Variants in AVEN observed in about 807,000 individuals in gnomAD.
The protein encoded by AVEN is cell death regulator Aven.
A neutral mutation model predicts 38.1 loss-of-function variants in AVEN; 41 were observed. The observed-to-expected ratio is 1.08, with a 90% confidence interval of 0.84 to 1.40. AVEN has a LOEUF of 1.40. Among genes scored for constraint, AVEN ranks in the 40% most tolerant of loss-of-function variants. AVEN has a pLI of 0.00. For synonymous variants in AVEN, 206 were observed against 171.8 expected (o/e 1.20, Z -1.56); for missense variants, 605 against 438.8 (o/e 1.38, Z -3.38).
chr15:33,860,397 T>C (rs1218309237), intron 11 of AVEN, among the ~76,000 whole-genome samples: 1 of 152,108 alleles, frequency 6.6e-6, no homozygotes, highest in Non-Finnish European at 1.5e-5. Flanking sequence ...CTGCATGGTG[T>C]AGAAAGGTAG....
intron 2 of AVEN, among the ~76,000 whole-genome samples, chr15:33,978,400 A>T (rs140131531): frequency 0.011 from 1,606 of 152,308 alleles, 32 homozygotes; most frequent in African/African-American, 0.037. Context: ...ACGATGGCTC[A>T]CGCCTGTAAT....
chr15:34,031,548 G>C, intron 1 of AVEN, among the ~76,000 whole-genome samples: 1 of 152,184 alleles, frequency 6.6e-6, no homozygotes, highest in Non-Finnish European at 1.5e-5. Flanking sequence ...ATATGGATCA[G>C]ACAGATTCGT....
chr15:34,040,244 T>G (rs1475618879), upstream of AVEN, among the ~76,000 whole-genome samples: 1 of 152,074 alleles, frequency 6.6e-6, no homozygotes, highest in Non-Finnish European at 1.5e-5. Context: ...TGTGAATAGA[T>G]GATTACAGTA....
intron 1 of AVEN, among the ~76,000 whole-genome samples, chr15:34,031,713 G>C (rs1175369995): frequency 6.6e-6 from 1 of 152,158 alleles, no homozygotes; most frequent in Non-Finnish European, 1.5e-5. Flanking sequence ...ATCCTTGGCA[G>C]TGTTGTTCTT....
At chr15:34,018,663 T>C (rs1048201785) in intron 1 of AVEN, among the ~76,000 whole-genome samples, 1 of 152,164 alleles carries the variant, frequency 6.6e-6, no homozygotes, top group Non-Finnish European at 1.5e-5. Context: ...TTCCACAGAA[T>C]GGAAAGGGAC....
chr15:34,006,785 GAAGT>G (rs1597341120), intron 1 of AVEN, among the ~76,000 whole-genome samples: 1 of 152,124 alleles, frequency 6.6e-6, no homozygotes. Context: ...AGAGTAGTAA[GAAGT>G]AATATAATAA....
intron 4 of AVEN, among the ~76,000 whole-genome samples, chr15:33,869,619 T>C (rs1013883152): frequency 3.9e-5 from 6 of 152,174 alleles, no homozygotes; most frequent in Non-Finnish European, 5.9e-5. Flanking sequence ...TAATTCTTTC[T>C]AGTTCTCTAC....
intron 2 of AVEN, among the ~76,000 whole-genome samples, chr15:33,955,761 G>A (rs1347499800): frequency 4.6e-5 from 7 of 152,132 alleles, no homozygotes; most frequent in Non-Finnish European, 1.5e-5. Flanking sequence ...AGTTACTTAT[G>A]CTACCTTTGC....
At position 33,871,751 on chromosome 15, in the gene AVEN, G is replaced by A. The variant is rs115716598; in HGVS notation, c.517-721C>T. ...AGAAGGGACTGACAGGTGTTGCGAA[G>A]GTTTCAAACGAGCTAGTCTCCTCAA... is the stretch of plus-strand genomic sequence containing the variant. On this transcript the variant is annotated intron_variant, in intron 3 of 5. Coordinates refer to ENST00000306730, the MANE Select transcript of AVEN (RefSeq NM_020371.3). Among the ~76,000 whole-genome samples, 1,419 of 144,412 alleles carry A rather than the reference G, an allele frequency of 9.8e-3. 29 individuals are homozygous for A. Among genetic ancestry groups the A allele is most frequent in the African/African-American group, 0.033 (1,304 of 38,976 alleles). 94.7% of individuals were successfully genotyped at this position (144,412 alleles called of 152,430 possible). A position where few individuals can be genotyped will look rare whatever the true frequency, so the allele number is the denominator to read the frequency against.
intron 2 of AVEN, among the ~76,000 whole-genome samples, chr15:33,891,215 T>A (rs1270814530): frequency 6.6e-6 from 1 of 152,146 alleles, no homozygotes; most frequent in African/African-American, 2.4e-5. Flanking sequence ...TGTTTTATAT[T>A]GTATTAACTA....
intron 5 of AVEN, among the ~76,000 whole-genome samples, chr15:34,045,914 T>C (rs570659269): frequency 3.0e-4 from 46 of 152,200 alleles, no homozygotes; most frequent in Non-Finnish European, 4.7e-4. Flanking sequence ...CTTTTATTAC[T>C]GTGGGAGTCT....
chr15:33,884,009 TTTG>T (rs1462914965), intron 2 of AVEN, among the ~76,000 whole-genome samples: 1 of 152,106 alleles, frequency 6.6e-6, no homozygotes, highest in Non-Finnish European at 1.5e-5. Context: ...GCTCACAGCA[TTTG>T]TTATTTTATT....
At chr15:33,952,032 T>C (rs1159281080) in intron 2 of AVEN, among the ~76,000 whole-genome samples, 1 of 152,178 alleles carries the variant, frequency 6.6e-6, no homozygotes, top group African/African-American at 2.4e-5. Context: ...AAAATCCATT[T>C]GATTTCAATA....
At chr15:33,983,160 A>ATATGTG (rs1555512751) in intron 2 of AVEN, among the ~76,000 whole-genome samples, 4 of 64,592 alleles carry the variant, frequency 6.2e-5, no homozygotes, top group South Asian at 7.4e-4. Flanking sequence ...GTGTGTGTGT[A>ATATGTG]TGTGTGTGTG....
chr15:33,894,011 G>C lies in AVEN; in HGVS notation c.446-18016C>G, dbSNP rs531401740. ...GTTGCCCAGGCTGGAGTGCAATGGC[G>C]TGATCTCGGCTCACTGCAACCTCCA... On this transcript the variant is annotated intron_variant, in intron 2 of 5. Transcript: ENST00000306730. Among the ~76,000 whole-genome samples, 6 of 150,906 alleles carry C rather than the reference G, an allele frequency of 4.0e-5. No individual in the cohort carries two copies. The South Asian group carries it at 1.3e-3, about 32-fold the overall frequency.
intron 2 of AVEN, among the ~76,000 whole-genome samples, chr15:33,919,958 T>G (rs746229777): frequency 6.6e-6 from 1 of 152,174 alleles, no homozygotes; most frequent in Non-Finnish European, 1.5e-5. Flanking sequence ...ATTTTCCCAG[T>G]ATGCCTACTC....
At chr15:33,995,260 T>C (rs1208022435) in intron 2 of AVEN, among the ~76,000 whole-genome samples, 1 of 152,078 alleles carries the variant, frequency 6.6e-6, no homozygotes, top group Non-Finnish European at 1.5e-5. Flanking sequence ...GAAAACCCTG[T>C]CTCTCTAAAA....
At chr15:33,915,427 A>T (rs1450099657) in intron 2 of AVEN, among the ~76,000 whole-genome samples, 2 of 152,202 alleles carry the variant, frequency 1.3e-5, no homozygotes, top group African/African-American at 2.4e-5. Flanking sequence ...TCCAGATCAC[A>T]AGAGAAGAAT....
chr15:34,064,174 T>C, intron 4 of AVEN: 2 of 1,614,170 alleles, frequency 1.2e-6, no homozygotes, highest in Non-Finnish European at 1.7e-6. Flanking sequence ...TTGTGCTATG[T>C]CAATAGCACT....
Sources: allele counts gnomAD v4.1 joint callset (sites outside exome capture counted in the v4.1 genomes callset), GRCh38; gene constraint gnomAD v4.1.1; transcripts MANE v1.5; gene names NCBI Gene and HGNC (gene_info 2026-07-23, HGNC 2026-07-21).